The following LHX9 variants were observed in gnomAD, a reference collection of about 807,000 sequenced individuals.
LHX9 encodes the protein LIM homeobox 9.
Under a neutral mutation model 36.5 loss-of-function variants are expected in LHX9, and 9 were observed. The observed-to-expected ratio is 0.25, with a 90% confidence interval of 0.15 to 0.43. The LOEUF is 0.43. Ranked by LOEUF, LHX9 falls within the 20% of genes least tolerant of loss-of-function variation. The pLI is 1.00. For synonymous variants in LHX9, 211 were observed against 212.1 expected, an observed-to-expected ratio of 0.99 and a Z score of 0.04; for missense variants, 464 against 526.4, an observed-to-expected ratio of 0.88 and a Z score of 1.16.
upstream of LHX9, among the ~76,000 whole-genome samples, chr1:197,915,338 T>A (rs1461525877): frequency 1.3e-5 from 2 of 152,194 alleles, no homozygotes; most frequent in African/African-American, 2.4e-5. Context: ...TCTGAGCCAG[T>A]TTAGCCTCTG....
At position 197,933,346 on chromosome 1, in the gene LHX9, A is replaced by G. The variant is rs1241454342; in HGVS notation, c.*4087A>G. 6.6e-6 allele frequency: 1 copy of G among 152,160 alleles called. No individual in the cohort carries two copies. The highest frequency in any genetic ancestry group is 2.4e-5 in the African/African-American group (1 of 41,450). The allele number at this position is 152,160 out of a possible 1,614,324, so 9.4% of individuals were successfully genotyped here. A position where few individuals can be genotyped will look rare whatever the true frequency, so the allele number is the denominator to read the frequency against. ...TGAATAATAAAAAGAAAAAATTTTA[A>G]AGAAGAGAGAGCAACTTACTAATAA... is the stretch of plus-strand genomic sequence containing the variant. On this transcript the variant is annotated 3_prime_UTR_variant, in exon 5 of 5. Transcript: ENST00000367387.
In LHX9 at chr1:197,925,810, C is replaced by T. The variant is rs16842138; in HGVS notation, c.734-1781C>T. Among the ~76,000 whole-genome samples the T allele has an allele frequency of 5.9e-3, 904 of 152,244 alleles. 6 individuals carry two copies. The highest frequency in any genetic ancestry group is 0.021 in the African/African-American group (868 of 41,546). On this transcript the variant is annotated intron_variant, in intron 3 of 4. Transcript: ENST00000367387. ...CGAATGTATATATCTGACTTGGATT[C>T]CACTTCAAGTTGATTTAATTTCGCA...
In LHX9 at chr1:197,931,755, T is replaced by C. The variant is rs1030397455; in HGVS notation, c.*2496T>C. On this transcript the variant is annotated 3_prime_UTR_variant, in exon 5 of 5. Transcript: ENST00000367387. ...CAATTTTTAGAATAAAAAGGCTAATTAGCATATAAAGTAATTGCATGGAAC... is the reference window on the plus strand; with the variant it reads ...CAATTTTTAGAATAAAAAGGCTAATCAGCATATAAAGTAATTGCATGGAAC... The C allele has an allele frequency of 1.8e-5, 9 of 509,532 alleles. No homozygotes were observed. The highest frequency in any genetic ancestry group is 3.4e-5 in the Admixed American group (1 of 29,716). The allele number at this position is 509,532 out of a possible 1,614,324, so 31.6% of individuals were successfully genotyped here.
chr1:197,922,560 G>A (rs1040908537), intron 3 of LHX9, among the ~76,000 whole-genome samples: 5 of 152,148 alleles, frequency 3.3e-5, no homozygotes, highest in Non-Finnish European at 7.4e-5. Flanking sequence ...CTCTGCAGAT[G>A]ATAATCTAAC....
At chr1:197,915,341 A>G (rs1659714937), upstream of LHX9, among the ~76,000 whole-genome samples, 1 of 152,098 alleles carries the variant, frequency 6.6e-6, no homozygotes, top group Admixed American at 6.5e-5. Context: ...GAGCCAGTTT[A>G]GCCTCTGACT....
intron 4 of LHX9, 106 bp downstream of exon 4, chr1:197,927,899 C>A: frequency 1.9e-6 from 2 of 1,048,138 alleles, no homozygotes; most frequent in South Asian, 1.5e-5. Flanking sequence ...TATATTGCTT[C>A]TTACTAGTTT....
rs1221497316 is a variant in LHX9, at chr1:197,931,631, T to C, written c.*2372T>C. On this transcript the variant is annotated 3_prime_UTR_variant, in exon 5 of 5. Transcript: ENST00000367387. ...TTCCAAACTTCTGATTCATATGAAA[T>C]GTTACACATTGTTGCACAGGCAGTG... 3.3e-6 allele frequency: 1 copy of C among 301,938 alleles called. No individual in the cohort carries two copies. The highest frequency in any genetic ancestry group is 5.3e-5 in the East Asian group (1 of 18,990). 18.7% of individuals were successfully genotyped at this position (301,938 alleles called of 1,614,324 possible).
chr1:197,916,607 C>T (rs1659763888), upstream of LHX9: 1 of 701,590 alleles, frequency 1.4e-6, no homozygotes, highest in Non-Finnish European at 2.6e-6. Flanking sequence ...CCCGTGTGTA[C>T]AGGTCCATGC....
chr1:197,912,472 C>A, upstream of LHX9: 1 of 1,597,288 alleles, frequency 6.3e-7, no homozygotes, highest in East Asian at 2.2e-5. Context: ...GTCTGACTCC[C>A]GGCTTTTCTC....
chr1:197,919,339 C>A (rs1391025048), intron 1 of LHX9, among the ~76,000 whole-genome samples: 1 of 152,070 alleles, frequency 6.6e-6, no homozygotes, highest in Admixed American at 6.5e-5. Flanking sequence ...GGCTGGACAG[C>A]GGACCCTCTT....
In LHX9 at chr1:197,929,219, C is replaced by T; in HGVS notation, c.1154C>T (p.Ser385Phe). The change falls in exon 5 of 5, where the codon TCC (serine) becomes TTC (phenylalanine). Residue 385 changes from serine to phenylalanine, a missense_variant. By Grantham distance (155) the Ser-to-Phe change is radical (BLOSUM62 -2). This residue lies in a region of LHX9 where 102 missense variants were observed against 97.0 expected (regional missense o/e 1.05). Transcript: ENST00000367387. ...ACCTCTAACATGGACAGCCACGAAT[C>T]CGGAAGCCCCTCACAAACTACCTTA... ...SVTSNMDSHE[S>F]GSPSQTTLTN... is the part of the protein sequence containing the mutation. The T allele has an allele frequency of 1.3e-6, 2 of 1,540,206 alleles. No homozygotes were observed. The highest frequency in any genetic ancestry group is 1.3e-5 in the South Asian group (1 of 79,058).
At chr1:197,928,133 T>C (rs12750987) in intron 4 of LHX9, among the ~76,000 whole-genome samples, 31,530 of 152,142 alleles carry the variant, frequency 0.21, 3,690 homozygotes, top group East Asian at 0.43. Flanking sequence ...TTATGCTCAG[T>C]GCACGGACTT....
intron 3 of LHX9, among the ~76,000 whole-genome samples, chr1:197,924,421 C>T (rs1239108587): frequency 6.6e-6 from 1 of 152,170 alleles, no homozygotes; most frequent in Admixed American, 6.5e-5. Context: ...AGGGCAAATG[C>T]CTTTTAATGA....
At chr1:197,914,731 C>T (rs1659701991), upstream of LHX9, among the ~76,000 whole-genome samples, 1 of 152,148 alleles carries the variant, frequency 6.6e-6, no homozygotes, top group African/African-American at 2.4e-5. Context: ...ACCCCCACCC[C>T]ACCCCCAGCT....
At chr1:197,918,502 G>C in intron 1 of LHX9, 2 of 647,566 alleles carry the variant, frequency 3.1e-6, no homozygotes, top group Admixed American at 2.4e-5. Flanking sequence ...AGACGCTCGG[G>C]GCTTGGGACC....
rs1373407901 is a variant in LHX9 at position 197,927,623 on chromosome 1, C to G, written c.766C>G (p.Arg256Gly). The G allele has an allele frequency of 6.2e-7, 1 of 1,614,126 alleles. No homozygotes were observed. The highest frequency in any genetic ancestry group is 8.5e-7 in the Non-Finnish European group (1 of 1,180,006). The change falls in exon 4 of 5, where the codon CGG becomes GGG. Residue 256 changes from arginine to glycine, a missense_variant. This residue lies in a region of LHX9 where 130 missense variants were observed against 109.6 expected (regional missense o/e 1.19). Coordinates refer to ENST00000367387, the MANE Select transcript of LHX9 (RefSeq NM_020204.3). ...CNENEADHLDRDQQPYPPSQK... is the reference protein window; with the variant it reads ...CNENEADHLDGDQQPYPPSQK... The stretch of plus-strand genomic sequence containing the variant: ...TGAGAATGAGGCAGACCACTTGGAC[C>G]GGGACCAGCAGCCTTATCCACCCTC...
upstream of LHX9, among the ~76,000 whole-genome samples, chr1:197,914,280 G>C (rs1019477612): frequency 6.6e-6 from 1 of 152,140 alleles, no homozygotes; most frequent in Non-Finnish European, 1.5e-5. Context: ...TCTTATCCCC[G>C]ACGCAGGCTA....
intron 3 of LHX9, among the ~76,000 whole-genome samples, chr1:197,922,627 G>A (rs905947685): frequency 1.8e-4 from 27 of 152,176 alleles, no homozygotes; most frequent in Non-Finnish European, 8.8e-5. Flanking sequence ...AAAAGAGGTT[G>A]TAGAAAGCCC....
rs1343176890 is a variant in LHX9 at position 197,933,227 on chromosome 1, T to C, written c.*3968T>C. 6.6e-6 allele frequency: 1 copy of C among 152,146 alleles called. No individual in the cohort carries two copies. Among genetic ancestry groups the C allele is most frequent in the Non-Finnish European group, 1.5e-5 (1 of 68,002 alleles). 9.4% of individuals were successfully genotyped at this position (152,146 alleles called of 1,614,324 possible). On this transcript the variant is annotated 3_prime_UTR_variant, in exon 5 of 5. Transcript: ENST00000367387. Reference sequence around the variant, plus strand: ...TTATTATATACAAATGAACCCTATGTAAATGATGTAACTTTTATGAATGAC... The same window carrying C: ...TTATTATATACAAATGAACCCTATGCAAATGATGTAACTTTTATGAATGAC...
Sources: gnomAD v4.1 joint callset for allele counts (sites outside exome capture counted in the v4.1 genomes callset) on GRCh38, gnomAD v4.1.1 for gene constraint, gnomAD v4.1.1 regional missense constraint, MANE v1.5 for transcripts, NCBI Gene and HGNC (gene_info 2026-07-23, HGNC 2026-07-21) for gene names.